Variants in CDH18 observed in about 807,000 individuals in gnomAD.
The protein encoded by CDH18 is cadherin-18.
A neutral mutation model predicts 67.9 loss-of-function variants in CDH18; 31 were observed. The ratio of observed to expected loss-of-function variants is 0.46; its 90% CI spans 0.34 to 0.62. The LOEUF (loss-of-function observed/expected upper bound fraction) is 0.62, where lower values mean the gene tolerates loss of function less well. Ranked by LOEUF, CDH18 falls within the 20% of genes least tolerant of loss-of-function variation. The pLI is 0.01. For missense variants in CDH18, 890 were observed against 975.5 expected, an observed-to-expected ratio of 0.91 and a Z score of 1.17; for synonymous variants, 362 against 347.2, an observed-to-expected ratio of 1.04 and a Z score of -0.48.
chr5:19,912,882 G>GA (rs1405105875), intron 2 of CDH18, among the ~76,000 whole-genome samples: 11 of 152,130 alleles, frequency 7.2e-5, no homozygotes, highest in African/African-American at 2.7e-4. Flanking sequence ...ATAGGACACT[G>GA]AGGCTGAGGA....
chr5:19,576,090 G>A (rs1561384312), intron 7 of CDH18, among the ~76,000 whole-genome samples: 1 of 152,058 alleles, frequency 6.6e-6, no homozygotes. Context: ...AGCCTTACAA[G>A]AATCAGCTCA....
chr5:20,217,566 A>T (rs1740880737), intron 2 of CDH18, among the ~76,000 whole-genome samples: 1 of 151,890 alleles, frequency 6.6e-6, no homozygotes, highest in Non-Finnish European at 1.5e-5. Flanking sequence ...CACCTGAGAA[A>T]ATCATCTACA....
At chr5:20,158,142 T>A (rs1264683693) in intron 2 of CDH18, among the ~76,000 whole-genome samples, 2 of 152,206 alleles carry the variant, frequency 1.3e-5, no homozygotes, top group African/African-American at 4.8e-5. Flanking sequence ...TATACATAAT[T>A]TAATGTCTTA....
intron 7 of CDH18, among the ~76,000 whole-genome samples, chr5:19,577,247 G>A (rs143553288): frequency 6.6e-6 from 1 of 152,066 alleles, no homozygotes; most frequent in Non-Finnish European, 1.5e-5. Context: ...AATTTTAAAT[G>A]TTCTCACCAC....
chr5:20,214,381 A>C lies in CDH18; in HGVS notation c.-518+41063T>G, dbSNP rs541124681. ...GAACTAAAAATTGCCCCTAATACCA[A>C]GGCAGTCCTACGCAAAGACAACAGA... On this transcript the variant is annotated intron_variant, in intron 2 of 14. Transcript: ENST00000507958. Among the ~76,000 whole-genome samples the C allele has an allele frequency of 9.9e-5, 15 of 152,216 alleles. No individual in the cohort carries two copies. The South Asian group carries it at 3.1e-3, about 32-fold the overall frequency.
rs1045153348 is a variant in CDH18 at position 19,921,463 on chromosome 5, A to G, written c.-257+59597T>C. On this transcript the variant is annotated intron_variant, in intron 2 of 12. Coordinates refer to ENST00000382275, the MANE Select transcript of CDH18 (RefSeq NM_004934.5). ...GGAGAATGGTGTGAACCCGGGAGGC[A>G]GAGCTTGCAGTGAGCCGAGATCGCT... Among the ~76,000 whole-genome samples, 34 of 151,592 alleles carry G rather than the reference A, an allele frequency of 2.2e-4. No homozygotes were observed. In the East Asian group the frequency reaches 2.6e-3, roughly 11 times the overall value.
At chr5:19,486,939 A>G (rs555079818) in intron 11 of CDH18, among the ~76,000 whole-genome samples, 32 of 152,332 alleles carry the variant, frequency 2.1e-4, no homozygotes, top group African/African-American at 7.7e-4. Flanking sequence ...GTCAATGTCA[A>G]TCTCTAATAA....
chr5:19,599,765 G>C (rs1380030116), intron 6 of CDH18, among the ~76,000 whole-genome samples: 1 of 152,106 alleles, frequency 6.6e-6, no homozygotes, highest in Non-Finnish European at 1.5e-5. Flanking sequence ...AGCCGGGCAT[G>C]GTGGTGGAAG....
chr5:20,290,903 G>GGGT (rs775505773), intron 1 of CDH18, among the ~76,000 whole-genome samples: 1 of 152,130 alleles, frequency 6.6e-6, no homozygotes, highest in Non-Finnish European at 1.5e-5. Flanking sequence ...CTTAGAAATA[G>GGGT]GGTGGTGATG....
At chr5:19,784,344 A>G (rs1775468686) in intron 3 of CDH18, among the ~76,000 whole-genome samples, 1 of 152,158 alleles carries the variant, frequency 6.6e-6, no homozygotes, top group Non-Finnish European at 1.5e-5. Flanking sequence ...GATCTGGCAA[A>G]GTAGCTCTTT....
chr5:20,305,652 G>A (rs1736370355), intron 1 of CDH18: 1 of 428,008 alleles, frequency 2.3e-6, no homozygotes, highest in Admixed American at 3.7e-5. Flanking sequence ...CGGGGGGTGG[G>A]GGGAGCGGCG....
intron 4 of CDH18, among the ~76,000 whole-genome samples, chr5:19,735,667 T>C (rs1380772938): frequency 6.6e-6 from 1 of 152,166 alleles, no homozygotes; most frequent in Non-Finnish European, 1.5e-5. Flanking sequence ...AGTGCTGGGA[T>C]TACAAATGTG....
At chr5:20,005,399 A>AGT (rs144732569) in intron 2 of CDH18, among the ~76,000 whole-genome samples, 1,735 of 121,236 alleles carry the variant, frequency 0.014, 41 homozygotes, top group African/African-American at 0.051. Flanking sequence ...ATATAAACAA[A>AGT]GTATATATAT....
chr5:19,956,039 C>G (rs1407239302), intron 2 of CDH18, among the ~76,000 whole-genome samples: 1 of 151,962 alleles, frequency 6.6e-6, no homozygotes, highest in Non-Finnish European at 1.5e-5. Context: ...CTTAGAACAA[C>G]ATGATATTTT....
chr5:20,378,117 T>C (rs1184764631), intron 1 of CDH18, among the ~76,000 whole-genome samples: 1 of 152,200 alleles, frequency 6.6e-6, no homozygotes, highest in Non-Finnish European at 1.5e-5. Flanking sequence ...TGGCTTTTGC[T>C]ACAGAAAGAG....
chr5:19,685,918 C>T (rs755247682), intron 5 of CDH18, among the ~76,000 whole-genome samples: 10 of 152,072 alleles, frequency 6.6e-5, no homozygotes, highest in Non-Finnish European at 1.3e-4. Context: ...TTCTTCCACA[C>T]TCCATTTGAA....
At chr5:19,481,565 A>G (rs1739427752) in intron 12 of CDH18, among the ~76,000 whole-genome samples, 1 of 152,104 alleles carries the variant, frequency 6.6e-6, no homozygotes, top group Non-Finnish European at 1.5e-5. Context: ...CAAATTGAAG[A>G]TTTTATAATG....
At chr5:20,095,621 A>AG (rs1745928099) in intron 2 of CDH18, among the ~76,000 whole-genome samples, 2 of 151,782 alleles carry the variant, frequency 1.3e-5, no homozygotes, top group African/African-American at 4.8e-5. Flanking sequence ...AGAAAAGAAA[A>AG]GAAAGAAAGG....
At chr5:19,641,754 A>G (rs1754026391) in intron 5 of CDH18, among the ~76,000 whole-genome samples, 1 of 152,008 alleles carries the variant, frequency 6.6e-6, no homozygotes, top group South Asian at 2.1e-4. Flanking sequence ...TCTTTCTAAG[A>G]TCCAGTATAG....
Sources: allele counts gnomAD v4.1 joint callset (sites outside exome capture counted in the v4.1 genomes callset), GRCh38; gene constraint gnomAD v4.1.1; transcripts MANE v1.5; gene names NCBI Gene and HGNC (gene_info 2026-07-23, HGNC 2026-07-21).